The following PPP1R3A variants were observed in gnomAD, a reference collection of about 807,000 sequenced individuals.
PPP1R3A encodes the protein RG1.
Under a neutral mutation model 41.7 loss-of-function variants are expected in PPP1R3A, and 29 were observed. The observed-to-expected ratio is 0.70, with a 90% CI of 0.52 to 0.95. PPP1R3A has a LOEUF of 0.95. Ranked by LOEUF, PPP1R3A falls within the 40% of genes least tolerant of loss-of-function variation. The pLI is 0.00. For missense variants in PPP1R3A, 1,352 were observed against 1,292.4 expected (o/e 1.05, Z -0.71); for synonymous variants, 485 against 453.4 (o/e 1.07, Z -0.89).
chr7:113,913,106 C>T (rs1797279018), intron 1 of PPP1R3A, among the ~76,000 whole-genome samples: 1 of 152,046 alleles, frequency 6.6e-6, no homozygotes. Context: ...TTTATGTTTC[C>T]ACGTGGCCTT....
At position 113,918,641 on chromosome 7, in the gene PPP1R3A, A is replaced by C. The variant is rs1367579148; in HGVS notation, c.356T>G (p.Leu119Arg). The part of the protein sequence containing the change: ...LFDLPSSKED[L>R]MQQLQIQKAI... ...TTTCTGTATTTGGAGTTGTTGCATA[A>C]GATCTTCTTTTGAAGAAGGCAAGTC... Residue 119 changes from leucine (L) to arginine (R), a missense_variant, in exon 1 of 4, where the codon CTT becomes CGT. Coordinates refer to ENST00000284601, the MANE Select transcript of PPP1R3A (RefSeq NM_002711.4). 6.2e-7 allele frequency: 1 copy of C among 1,613,526 alleles called. No individual in the cohort carries two copies. The highest frequency in any genetic ancestry group is 1.3e-5 in the African/African-American group (1 of 74,908).
chr7:113,882,680 T>C (rs536742275), intron 1 of PPP1R3A, among the ~76,000 whole-genome samples: 92 of 152,112 alleles, frequency 6.0e-4, no homozygotes, highest in Non-Finnish European at 5.9e-4. Context: ...AGTGAGAATG[T>C]TTTTCTCATG....
chr7:113,914,745 C>T (rs1797311604), intron 1 of PPP1R3A, among the ~76,000 whole-genome samples: 1 of 152,088 alleles, frequency 6.6e-6, no homozygotes, highest in South Asian at 2.1e-4. Flanking sequence ...ACCGAAATCT[C>T]AACCCCTATG....
At position 113,879,665 on chromosome 7, in the gene PPP1R3A, T is replaced by A; in HGVS notation, c.1427A>T (p.Asn476Ile). The A allele has an allele frequency of 1.2e-6, 2 of 1,613,146 alleles. No individual in the cohort carries two copies. Among genetic ancestry groups the A allele is most frequent in the Non-Finnish European group, 1.7e-6 (2 of 1,179,654 alleles). The change falls in exon 4 of 4, where the codon AAT becomes ATT. Residue 476 changes from asparagine to isoleucine, a missense_variant. By Grantham distance (149) the Asn-to-Ile change is moderately radical. Transcript: ENST00000284601. ...LNKKHEGGAK[N>I]IEVKDLGCLR... ...ACATCCCAAATCTTTTACTTCAATA[T>A]TTTTAGCTCCTCCTTCATGTTTTTT...
intron 1 of PPP1R3A, among the ~76,000 whole-genome samples, chr7:113,886,289 T>C (rs568722977): frequency 6.6e-4 from 100 of 152,070 alleles, no homozygotes; most frequent in African/African-American, 2.2e-3. Flanking sequence ...AGGGAGGTGA[T>C]TGTATTATGG....
intron 1 of PPP1R3A, among the ~76,000 whole-genome samples, chr7:113,901,342 C>T (rs571123358): frequency 6.6e-6 from 1 of 151,880 alleles, no homozygotes; most frequent in South Asian, 2.1e-4. Context: ...CTCTCCAACT[C>T]TATAGCTGGC....
intron 1 of PPP1R3A, among the ~76,000 whole-genome samples, chr7:113,909,603 GT>G (rs1203218884): frequency 6.6e-6 from 1 of 151,922 alleles, no homozygotes; most frequent in African/African-American, 2.4e-5. Context: ...TGATGATGGA[GT>G]TTTTTCTTCT....
At chr7:113,895,192 G>C (rs1436285915) in intron 1 of PPP1R3A, among the ~76,000 whole-genome samples, 1 of 151,796 alleles carries the variant, frequency 6.6e-6, no homozygotes, top group Non-Finnish European at 1.5e-5. Flanking sequence ...CTCATTCCTG[G>C]CTCTTGACAA....
At chr7:113,886,663 A>G (rs1477601463) in intron 1 of PPP1R3A, among the ~76,000 whole-genome samples, 2 of 152,168 alleles carry the variant, frequency 1.3e-5, no homozygotes, top group East Asian at 3.9e-4. Context: ...ATAATTTGAA[A>G]TATATAAATA....
chr7:113,884,704 A>C (rs1796752687), intron 1 of PPP1R3A, among the ~76,000 whole-genome samples: 1 of 152,150 alleles, frequency 6.6e-6, no homozygotes, highest in African/African-American at 2.4e-5. Flanking sequence ...GTTTAACTGT[A>C]GTAAAATTTA....
intron 1 of PPP1R3A, among the ~76,000 whole-genome samples, chr7:113,894,958 A>G (rs1353540836): frequency 6.6e-6 from 1 of 151,976 alleles, no homozygotes; most frequent in Non-Finnish European, 1.5e-5. Context: ...ACAGGAGGAC[A>G]TGAGACTTCC....
At chr7:113,914,406 T>C (rs889249918) in intron 1 of PPP1R3A, among the ~76,000 whole-genome samples, 1 of 152,170 alleles carries the variant, frequency 6.6e-6, no homozygotes, top group African/African-American at 2.4e-5. Context: ...TTTTCATCTA[T>C]TAAATGTGGA....
rs765208004 is a variant in PPP1R3A at position 113,882,332 on chromosome 7, A to C, written c.783-12T>G. 7.1e-7 allele frequency: 1 copy of C among 1,413,968 alleles called. No individual in the cohort carries two copies. The highest frequency in any genetic ancestry group is 1.2e-5 in the South Asian group (1 of 85,904). 87.6% of individuals were successfully genotyped at this position (1,413,968 alleles called of 1,614,324 possible). On this transcript the variant is annotated splice_polypyrimidine_tract_variant and intron_variant, in intron 1 of 3. Transcript: ENST00000284601. ...ATGATTCTTCTTTACTGTTAAATTT[A>C]AAAGAAAATGTTATATGTTTTTCTG...
At chr7:113,884,068 T>C (rs1796740553) in intron 1 of PPP1R3A, among the ~76,000 whole-genome samples, 1 of 151,842 alleles carries the variant, frequency 6.6e-6, no homozygotes, top group African/African-American at 2.4e-5. Flanking sequence ...GAAATATCTA[T>C]AAACAAAAAC....
Position 113,877,765 on chromosome 7 carries a change from G to C in PPP1R3A, c.3327C>G (p.Ser1109=), listed in dbSNP as rs751775313. ...ACTCTTTTTGTCTACCCTCTTCCCA[G>C]GATAGCCAGGACAATGACAAAACGT... ...TFYVLSLSWL[S]WEEGRQKESV... is the part of the protein sequence containing the mutation. The change falls in exon 4 of 4, where the codon TCC becomes TCG. Residue 1109 remains serine, a synonymous_variant. Coordinates refer to ENST00000284601, the MANE Select transcript of PPP1R3A (RefSeq NM_002711.4). The C allele has an allele frequency of 1.3e-6, 2 of 1,592,288 alleles. No homozygotes were observed.
Position 113,901,977 on chromosome 7 carries a change from A to G in PPP1R3A, c.782+16238T>C, listed in dbSNP as rs368259119. Among the ~76,000 whole-genome samples, 7 of 152,006 alleles carry G rather than the reference A, an allele frequency of 4.6e-5. No individual in the cohort carries two copies. In the South Asian group the frequency reaches 8.3e-4, roughly 18 times the overall value. ...AAGTTTATAACTGAAGTCATTTTGT[A>G]TATACAATTTTAGTCATAACTTTTA... On this transcript the variant is annotated intron_variant, in intron 1 of 3. Coordinates refer to ENST00000284601, the MANE Select transcript of PPP1R3A (RefSeq NM_002711.4).
chr7:113,900,737 A>G (rs1004025629), intron 1 of PPP1R3A, among the ~76,000 whole-genome samples: 2 of 148,400 alleles, frequency 1.3e-5, no homozygotes, highest in Admixed American at 6.8e-5. Flanking sequence ...ATATAAGTAT[A>G]TACTTGTATA....
In PPP1R3A at chr7:113,879,637, T is replaced by C. The variant is rs754056061; in HGVS notation, c.1455A>G (p.Leu485=). The C allele has an allele frequency of 1.9e-6, 3 of 1,613,202 alleles. No individual in the cohort carries two copies. The African/African-American group carries it at 4.0e-5, about 22-fold the overall frequency. ...KNIEVKDLGC[L]RRDFHSDTSA... is the part of the protein sequence containing the mutation. ...ACGTATCTGAATGGAAATCTCTTCG[T>C]AAACATCCCAAATCTTTTACTTCAA... is the stretch of plus-strand genomic sequence containing the variant. The change falls in exon 4 of 4, where the codon TTA becomes TTG. Residue 485 remains leucine, a synonymous_variant. Coordinates refer to ENST00000284601, the MANE Select transcript of PPP1R3A (RefSeq NM_002711.4).
At position 113,878,467 on chromosome 7, in the gene PPP1R3A, T is replaced by A; in HGVS notation, c.2625A>T (p.Val875=). ...GCCTAAGATCTCTGTTTTCTGAAAATACAGTTTTGTCTGTTGGTAACATTC... is the reference window on the plus strand; with the variant it reads ...GCCTAAGATCTCTGTTTTCTGAAAAAACAGTTTTGTCTGTTGGTAACATTC... ...QLGMLPTDKT[V]FSENRDLRQV... is the part of the protein sequence containing the mutation. The change falls in exon 4 of 4, where the codon GTA becomes GTT. Residue 875 remains valine, a synonymous_variant. Transcript: ENST00000284601. The A allele has an allele frequency of 6.2e-7, 1 of 1,613,012 alleles. No individual in the cohort carries two copies. The highest frequency in any genetic ancestry group is 8.5e-7 in the Non-Finnish European group (1 of 1,179,670).
Sources: allele counts gnomAD v4.1 joint callset (sites outside exome capture counted in the v4.1 genomes callset), GRCh38; gene constraint gnomAD v4.1.1; transcripts MANE v1.5; gene names NCBI Gene and HGNC (gene_info 2026-07-23, HGNC 2026-07-21).